Variants in OXSR1 observed in about 807,000 individuals in gnomAD.
OXSR1 encodes serine/threonine-protein kinase OSR1.
Under a neutral mutation model 79.8 loss-of-function variants are expected in OXSR1, and 24 were observed. The ratio of observed to expected loss-of-function variants is 0.30; its 90% confidence interval spans 0.22 to 0.42. The LOEUF is 0.42. Ranked by LOEUF, OXSR1 falls within the 10% of genes least tolerant of loss-of-function variation. OXSR1 has a pLI of 1.00. For missense variants in OXSR1, 430 were observed against 618.4 expected (o/e 0.70, Z 3.23); for synonymous variants, 226 against 209.2 (o/e 1.08, Z -0.69).
At position 38,252,404 on chromosome 3, in the gene OXSR1, T is replaced by A. The variant is rs751156928; in HGVS notation, c.1509+12T>A. On this transcript the variant is annotated intron_variant, in intron 17 of 17. Transcript: ENST00000311806. Reference sequence around the variant, plus strand: ...TCACTTTCAAACTGGTACTCATCCCTTCTTCCTTGTGAAAACATCTTGCCT... The same window carrying A: ...TCACTTTCAAACTGGTACTCATCCCATCTTCCTTGTGAAAACATCTTGCCT... The A allele has an allele frequency of 6.3e-7, 1 of 1,591,166 alleles. No individual in the cohort carries two copies. Among genetic ancestry groups the A allele is most frequent in the East Asian group, 2.2e-5 (1 of 44,770 alleles).
At chr3:38,190,673 C>T in intron 2 of OXSR1, 58 bp from the exon 3 acceptor site, 2 of 982,068 alleles carry the variant, frequency 2.0e-6, no homozygotes, top group Non-Finnish European at 1.6e-6. Context: ...TTTGCTAACT[C>T]ACAACATTTG....
Position 38,252,834 on chromosome 3 carries a change from C to T in OXSR1, c.1527C>T (p.Gly509=). ...VTFKLASGVE[G]SDIPDDGKLI... ...GTTCTTAGGCATCTGGTGTCGAAGG[C>T]TCAGATATTCCTGATGATGGTAAAC... The change falls in exon 18 of 18, where the codon GGC becomes GGT. Residue 509 remains glycine (G), a synonymous_variant. Transcript: ENST00000311806. 1 of 1,613,260 alleles carries T rather than the reference C, an allele frequency of 6.2e-7. No individual in the cohort carries two copies. The highest frequency in any genetic ancestry group is 8.5e-7 in the Non-Finnish European group (1 of 1,179,308).
chr3:38,210,653 C>T (rs1245530818), intron 4 of OXSR1, among the ~76,000 whole-genome samples: 1 of 152,096 alleles, frequency 6.6e-6, no homozygotes, highest in Non-Finnish European at 1.5e-5. Flanking sequence ...AGTTTTTATA[C>T]CCCAGTACTG....
chr3:38,178,181 G>A (rs977936627), intron 1 of OXSR1, among the ~76,000 whole-genome samples: 1 of 152,082 alleles, frequency 6.6e-6, no homozygotes. Flanking sequence ...GAACTCCTTG[G>A]CTCAAGTGAC....
chr3:38,236,351 G>A (rs1478704887), intron 10 of OXSR1, among the ~76,000 whole-genome samples: 2 of 152,152 alleles, frequency 1.3e-5, no homozygotes, highest in Non-Finnish European at 2.9e-5. Context: ...GCTAAAATGA[G>A]TTGAAAGTGG....
At chr3:38,240,785 A>G (rs1055362346) in intron 11 of OXSR1, among the ~76,000 whole-genome samples, 1 of 152,176 alleles carries the variant, frequency 6.6e-6, no homozygotes, top group Non-Finnish European at 1.5e-5. Flanking sequence ...TTTAACCACC[A>G]AAATAAAGTG....
chr3:38,179,028 CTTTT>C (rs35570159), intron 1 of OXSR1, among the ~76,000 whole-genome samples: 2 of 103,536 alleles, frequency 1.9e-5, no homozygotes, highest in Non-Finnish European at 3.9e-5. Flanking sequence ...CCACACCTGG[CTTTT>C]TTTTTTTTTT....
intron 15 of OXSR1, among the ~76,000 whole-genome samples, chr3:38,250,580 T>G (rs1401911630): frequency 6.6e-6 from 1 of 152,198 alleles, no homozygotes; most frequent in Non-Finnish European, 1.5e-5. Context: ...TGTGTTTTGT[T>G]TCTTGCCTTT....
chr3:38,224,811 T>C (rs1017565402), intron 8 of OXSR1, 107 bp downstream of exon 8: 2 of 784,966 alleles, frequency 2.5e-6, no homozygotes, highest in African/African-American at 3.6e-5. Context: ...GAACTAAATA[T>C]AAACTTTAAA....
chr3:38,204,535 T>G (rs972016720), intron 4 of OXSR1, among the ~76,000 whole-genome samples: 1 of 151,900 alleles, frequency 6.6e-6, no homozygotes, highest in Admixed American at 6.6e-5. Context: ...GACCAAAGGC[T>G]CCTTAGTTAG....
chr3:38,215,473 A>G (rs1702465175), intron 4 of OXSR1, among the ~76,000 whole-genome samples: 1 of 152,196 alleles, frequency 6.6e-6, no homozygotes, highest in African/African-American at 2.4e-5. Context: ...TTGAATGGAT[A>G]GTATAATATT....
At chr3:38,234,537 CAA>C (rs908869440) in intron 10 of OXSR1, among the ~76,000 whole-genome samples, 3 of 152,144 alleles carry the variant, frequency 2.0e-5, no homozygotes, top group African/African-American at 7.2e-5. Context: ...ATCAAAATAA[CAA>C]AGAGATACCA....
chr3:38,169,241 CT>C (rs1350511330), intron 1 of OXSR1, among the ~76,000 whole-genome samples: 1 of 150,996 alleles, frequency 6.6e-6, no homozygotes, highest in Non-Finnish European at 1.5e-5. Context: ...CATGGATCTT[CT>C]TTGGTGAAAT....
chr3:38,173,246 C>T (rs1482586381), intron 1 of OXSR1, among the ~76,000 whole-genome samples: 1 of 152,072 alleles, frequency 6.6e-6, no homozygotes, highest in Non-Finnish European at 1.5e-5. Context: ...GTTTGCTAAG[C>T]AACTAAGAAT....
chr3:38,195,626 CT>C (rs1208804255), intron 3 of OXSR1, among the ~76,000 whole-genome samples: 13 of 152,118 alleles, frequency 8.5e-5, no homozygotes, highest in Admixed American at 8.5e-4. Flanking sequence ...TAAAGAGTAT[CT>C]TTTCATACTA....
chr3:38,203,445 T>G (rs1042486854), intron 4 of OXSR1, among the ~76,000 whole-genome samples: 2 of 152,092 alleles, frequency 1.3e-5, no homozygotes, highest in African/African-American at 4.8e-5. Context: ...TATTACAGCC[T>G]CTCTTCTCCG....
chr3:38,236,637 G>A (rs34702743), intron 10 of OXSR1: 43 of 371,556 alleles, frequency 1.2e-4, no homozygotes, highest in African/African-American at 5.8e-4. Context: ...GAAGTACAGC[G>A]GTTGTTACTA....
chr3:38,188,757 T>C (rs973827311), intron 2 of OXSR1, among the ~76,000 whole-genome samples: 2 of 152,216 alleles, frequency 1.3e-5, no homozygotes, highest in Non-Finnish European at 2.9e-5. Context: ...TTACCTTTCC[T>C]GTTGCAGTGT....
At chr3:38,197,901 G>A (rs764654767) in intron 3 of OXSR1, among the ~76,000 whole-genome samples, 1 of 152,176 alleles carries the variant, frequency 6.6e-6, no homozygotes, top group South Asian at 2.1e-4. Flanking sequence ...TGCAGTCTAT[G>A]TAATGTTCTA....
Sources: gnomAD v4.1 joint callset for allele counts (sites outside exome capture counted in the v4.1 genomes callset) on GRCh38, gnomAD v4.1.1 for gene constraint, MANE v1.5 for transcripts, NCBI Gene and HGNC (gene_info 2026-07-23, HGNC 2026-07-21) for gene names.